RPGR: variants seen among roughly 807,000 people sequenced by gnomAD.
The protein encoded by RPGR is X-linked retinitis pigmentosa GTPase regulator.
RPGR carries 10 observed loss-of-function variants against 56.3 expected under a neutral mutation model. That is an observed-to-expected ratio of 0.18 (90% confidence interval 0.11 to 0.30). The LOEUF is 0.30. Among genes scored for constraint, RPGR ranks in the 10% least tolerant of loss-of-function variants. The probability of loss-of-function intolerance (pLI) is 1.00; values close to 1 mark genes in which losing one functional copy is unlikely to be tolerated. For synonymous variants in RPGR, 197 were observed against 212.9 expected (o/e 0.93, Z 0.65); for missense variants, 538 against 590.9 (o/e 0.91, Z 0.93).
chrX:38,324,528 A>T (rs184704786), intron 1 of RPGR, among the ~76,000 whole-genome samples: 4 of 110,417 alleles, frequency 3.6e-5, no homozygotes, highest in African/African-American at 1.3e-4. Flanking sequence ...AGCAGCTAGA[A>T]AAAAAACCAT....
At chrX:38,302,207 A>C (rs1765485830) in intron 8 of RPGR, among the ~76,000 whole-genome samples, 2 of 111,642 alleles carry the variant, frequency 1.8e-5, no homozygotes, top group Admixed American at 9.6e-5. Context: ...AAGCCGCTCC[A>C]TCTCAACTGG....
At chrX:38,307,845 C>T (rs2067632009) in intron 7 of RPGR, among the ~76,000 whole-genome samples, 2 of 111,622 alleles carry the variant, frequency 1.8e-5, no homozygotes, top group African/African-American at 3.2e-5. Context: ...TAAGGAGGTG[C>T]CCTTTATTAT....
At chrX:38,317,811 C>G (rs1173441636) in intron 5 of RPGR, 3 of 165,879 alleles carry the variant, frequency 1.8e-5, no homozygotes, top group Non-Finnish European at 3.4e-5. Context: ...AGCAGCCTAC[C>G]TGCAACTGAA....
At chrX:38,292,963 C>T (rs937122546) in intron 11 of RPGR, among the ~76,000 whole-genome samples, 19 of 111,653 alleles carry the variant, frequency 1.7e-4, no homozygotes, top group African/African-American at 5.9e-4. Context: ...TGAAGGCTTA[C>T]CAAATCCCAG....
At position 38,299,095 on chromosome X, in the gene RPGR, C is replaced by T. The variant is rs1409862085; in HGVS notation, c.1106G>A (p.Arg369His). 7.4e-6 allele frequency: 9 copies of T among 1,211,582 alleles called. No homozygotes were observed. The South Asian group carries it at 1.1e-4, about 14-fold the overall frequency. ...GAATTCAATTTCTTTTGCCACACCA[C>T]GATGAGGAGCAGCAAAAACTACCAT... The change falls in exon 10 of 19, where the codon CGT becomes CAT. Residue 369 changes from arginine (R) to histidine (H), a missense_variant. Around this residue, in one of 2 missense-constraint regions of RPGR, gnomAD observed 357 missense variants for 325.8 expected, o/e 1.10. Transcript: ENST00000642395.
intron 5 of RPGR, among the ~76,000 whole-genome samples, chrX:38,318,296 T>C (rs1298462023): frequency 9.1e-6 from 1 of 109,812 alleles, no homozygotes; most frequent in Non-Finnish European, 1.9e-5. Flanking sequence ...CACCGGATGT[T>C]ACACAGTCTC....
intron 10 of RPGR, chrX:38,298,583 T>G (rs1271708237): frequency 4.3e-6 from 1 of 232,271 alleles, no homozygotes; most frequent in African/African-American, 2.9e-5. Context: ...ATTTGTTGTA[T>G]TTTTACTACC....
chrX:38,298,927 C>T lies in RPGR; in HGVS notation c.1245+29G>A, dbSNP rs763692333. The T allele has an allele frequency of 1.3e-5, 16 of 1,197,108 alleles. No individual in the cohort carries two copies. In the South Asian group the frequency reaches 1.8e-4, roughly 13 times the overall value. ...GTTTTCTTTGCAGTGCTAGATAATA[C>T]TATTATACAGAATAGGCCACAATTG... On this transcript the variant is annotated intron_variant, in intron 10 of 18. Transcript: ENST00000642395.
chrX:38,299,032 A>G lies in RPGR; in HGVS notation c.1169T>C (p.Phe390Ser). The stretch of plus-strand genomic sequence containing the variant: ...TGAGGTTAAACTGCTATACGGCAGA[A>G]AAGTCGCCACAGATAAGCAAGTATC... Residue 390 changes from phenylalanine to serine, a missense_variant, in exon 10 of 19, where the codon TTT (phenylalanine) becomes TCT (serine). Coordinates refer to ENST00000642395, the MANE Select transcript of RPGR (RefSeq NM_000328.3). 1 of 1,211,875 alleles carries G rather than the reference A, an allele frequency of 8.3e-7. No individual in the cohort carries two copies. Among genetic ancestry groups the G allele is most frequent in the Non-Finnish European group, 1.1e-6 (1 of 895,493 alleles).
chrX:38,291,083 G>C (rs1378391919), intron 12 of RPGR, 59 bp from the exon 13 acceptor site: 14 of 271,301 alleles, frequency 5.2e-5, no homozygotes, highest in Non-Finnish European at 7.7e-5. Context: ...CTATATATTT[G>C]TATATAGTAC....
chrX:38,284,874 A>C (rs955232000), intron 15 of RPGR: 7 of 749,444 alleles, frequency 9.3e-6, no homozygotes, highest in Non-Finnish European at 1.1e-5. Flanking sequence ...TTATACATTT[A>C]AATTAATCAC....
intron 18 of RPGR, among the ~76,000 whole-genome samples, chrX:38,270,784 G>A (rs1415316187): frequency 1.8e-5 from 2 of 110,359 alleles, no homozygotes; most frequent in Non-Finnish European, 3.8e-5. Flanking sequence ...AAGTAGCCCC[G>A]ATAACCCAGA....
Position 38,287,452 on chromosome X carries a change from C to T in RPGR, c.1754-207G>A, listed in dbSNP as rs189683084. 7.0e-5 allele frequency: 41 copies of T among 582,876 alleles called. No individual in the cohort carries two copies. In the African/African-American group the frequency reaches 7.3e-4, roughly 10 times the overall value. 48.0% of individuals were successfully genotyped at this position (582,876 alleles called of 1,213,427 possible). A position where few individuals can be genotyped will look rare whatever the true frequency, so the allele number is the denominator to read the frequency against. ...ATCAGCTATACCCTGTTGACTCTCA[C>T]TTGCACCTTCCATGTAACTGTCTGG... On this transcript the variant is annotated intron_variant, in intron 14 of 18. Coordinates refer to ENST00000642395, the MANE Select transcript of RPGR (RefSeq NM_000328.3).
At chrX:38,291,929 T>G (rs1384359082) in intron 11 of RPGR, among the ~76,000 whole-genome samples, 1 of 111,976 alleles carries the variant, frequency 8.9e-6, no homozygotes, top group African/African-American at 3.2e-5. Context: ...TGGCTTCTGT[T>G]TTGGTTATAC....
At chrX:38,303,680 G>A (rs143875256) in intron 8 of RPGR, 6,591 of 292,588 alleles carry the variant, frequency 0.023, 78 homozygotes, top group Middle Eastern at 0.039. Context: ...ACTTGATCAT[G>A]GGCAGGTCAT....
At chrX:38,288,950 T>A (rs1675157280) in intron 13 of RPGR, among the ~76,000 whole-genome samples, 1 of 109,519 alleles carries the variant, frequency 9.1e-6, no homozygotes, top group African/African-American at 3.3e-5. Flanking sequence ...TCCAGCTAAC[T>A]TTTTTATTTT....
intron 3 of RPGR, among the ~76,000 whole-genome samples, chrX:38,322,320 T>G (rs1268554975): frequency 8.9e-6 from 1 of 112,026 alleles, no homozygotes; most frequent in Non-Finnish European, 1.9e-5. Context: ...ATCTAATATT[T>G]TCTGGAACAC....
intron 13 of RPGR, among the ~76,000 whole-genome samples, chrX:38,289,687 TA>T (rs760863214): frequency 2.7e-5 from 3 of 112,794 alleles, no homozygotes; most frequent in Non-Finnish European, 5.6e-5. Context: ...TCTCATTTAC[TA>T]AAGTAGGCCT....
At chrX:38,323,766 G>A (rs1000201411) in intron 1 of RPGR, among the ~76,000 whole-genome samples, 3 of 111,877 alleles carry the variant, frequency 2.7e-5, no homozygotes, top group African/African-American at 9.8e-5. Flanking sequence ...CTGGTATAAA[G>A]TAAGAAATAT....
Sources: allele counts gnomAD v4.1 joint callset (sites outside exome capture counted in the v4.1 genomes callset), GRCh38; gene constraint gnomAD v4.1.1; regional missense constraint gnomAD v4.1.1; transcripts MANE v1.5; gene names NCBI Gene and HGNC (gene_info 2026-07-23, HGNC 2026-07-21).